TIA1: variants seen among roughly 807,000 people sequenced by gnomAD.
TIA1 encodes cytotoxic granule associated RNA binding protein TIA1.
TIA1 carries 23 observed loss-of-function variants against 65.9 expected under a neutral mutation model. That is an observed-to-expected ratio of 0.35 (90% CI 0.25 to 0.49). The LOEUF is 0.49. Ranked by LOEUF, TIA1 falls within the 20% of genes least tolerant of loss-of-function variation. TIA1 has a pLI of 0.98. For missense variants in TIA1, 371 were observed against 477.9 expected, an observed-to-expected ratio of 0.78 and a Z score of 2.09; for synonymous variants, 147 against 149.4, an observed-to-expected ratio of 0.98 and a Z score of 0.12.
At chr2:70,215,635 G>A (rs955797238) in intron 10 of TIA1, 141 bp from the exon 11 acceptor site, 1 of 768,526 alleles carries the variant, frequency 1.3e-6, no homozygotes, top group African/African-American at 1.8e-5. Context: ...TTTTTTCAAA[G>A]ATCTTGTAGT....
chr2:70,224,687 A>G lies in TIA1; in HGVS notation c.399-58T>C. On this transcript the variant is annotated intron_variant, in intron 6 of 12. Transcript: ENST00000433529. ...GCAAACTATCCTCTGGATATCAAATAAGAATTTCACACACAACTCATTCTC... is the reference window on the plus strand; with the variant it reads ...GCAAACTATCCTCTGGATATCAAATGAGAATTTCACACACAACTCATTCTC... The G allele has an allele frequency of 1.9e-6, 3 of 1,586,804 alleles. No individual in the cohort carries two copies. The South Asian group carries it at 3.4e-5, about 18-fold the overall frequency.
intron 2 of TIA1, among the ~76,000 whole-genome samples, 193 bp downstream of exon 2, chr2:70,235,886 C>T (rs1376423925): frequency 1.3e-5 from 2 of 152,120 alleles, no homozygotes; most frequent in Admixed American, 1.3e-4. Context: ...GCTGTCAAAA[C>T]AGGTTCATTA....
chr2:70,243,567 C>T (rs1692863889), intron 1 of TIA1, among the ~76,000 whole-genome samples: 1 of 152,288 alleles, frequency 6.6e-6, no homozygotes, highest in Middle Eastern at 3.4e-3. Context: ...ATGGCTGAAA[C>T]TGCCTTACTA....
chr2:70,245,301 A>C (rs1004479770), intron 1 of TIA1, among the ~76,000 whole-genome samples: 21 of 152,164 alleles, frequency 1.4e-4, no homozygotes, highest in African/African-American at 4.3e-4. Flanking sequence ...GCAGGCTTTT[A>C]AAGATGGTCT....
chr2:70,248,786 C>T (rs1695681928), upstream of TIA1: 2 of 384,838 alleles, frequency 5.2e-6, no homozygotes, highest in Non-Finnish European at 9.4e-6. Context: ...ACGCCTCAGA[C>T]TGCGCAGGCG....
chr2:70,217,089 TG>T, intron 7 of TIA1, 95 bp from the exon 8 acceptor site: 1 of 1,290,264 alleles, frequency 7.8e-7, no homozygotes, highest in Non-Finnish European at 1.0e-6. Context: ...TTTTCACAAA[TG>T]TTTAAGTGAA....
rs561475640 is a variant in TIA1, at chr2:70,228,809, C to T, written c.310+250G>A. ...CTCAAGAAAGGAGGGTATTTTGCCC[C>T]TTAGTTGGTGAAAGTAGTTCTAAGG... On this transcript the variant is annotated intron_variant, in intron 5 of 12. Transcript: ENST00000433529. The T allele has an allele frequency of 2.7e-5, 37 of 1,382,472 alleles. No homozygotes were observed. The African/African-American group carries it at 4.8e-4, about 18-fold the overall frequency. 85.6% of individuals were successfully genotyped at this position (1,382,472 alleles called of 1,614,324 possible).
At chr2:70,228,115 A>C (rs998604677) in intron 5 of TIA1, among the ~76,000 whole-genome samples, 1 of 152,172 alleles carries the variant, frequency 6.6e-6, no homozygotes, top group Non-Finnish European at 1.5e-5. Context: ...CTAATAACAT[A>C]CAAGTTTCAG....
intron 2 of TIA1, among the ~76,000 whole-genome samples, chr2:70,234,964 GAGAAA>G (rs1351577828): frequency 2.0e-5 from 3 of 152,162 alleles, no homozygotes; most frequent in African/African-American, 7.2e-5. Flanking sequence ...GTCTTTTCTG[GAGAAA>G]AGAAAACTGA....
At chr2:70,234,354 T>C (rs558139627) in intron 2 of TIA1, among the ~76,000 whole-genome samples, 1 of 152,338 alleles carries the variant, frequency 6.6e-6, no homozygotes, top group South Asian at 2.1e-4. Context: ...AAATTTCTCT[T>C]CATCTTTCCC....
chr2:70,218,564 G>A (rs1679725411), intron 7 of TIA1, among the ~76,000 whole-genome samples: 1 of 152,124 alleles, frequency 6.6e-6, no homozygotes, highest in African/African-American at 2.4e-5. Flanking sequence ...CAGCCACCAA[G>A]CCCGGCTAAT....
At chr2:70,231,000 T>C (rs1686020606) in intron 2 of TIA1, 146 bp from the exon 3 acceptor site, 1 of 583,300 alleles carries the variant, frequency 1.7e-6, no homozygotes, top group Non-Finnish European at 3.0e-6. Context: ...ACAAGTAAAT[T>C]TTAGATTTAA....
In TIA1 at chr2:70,212,495, T is replaced by C; in HGVS notation, c.*224A>G. On this transcript the variant is annotated 3_prime_UTR_variant, in exon 13 of 13. Transcript: ENST00000433529. The stretch of plus-strand genomic sequence containing the variant: ...TGAAACAAGGATCTGAGAAACTTTA[T>C]CAAAAAAGGTAATGAAGGCAAAAAT... The C allele has an allele frequency of 5.2e-6, 2 of 383,144 alleles. No individual in the cohort carries two copies. The highest frequency in any genetic ancestry group is 3.5e-5 in the South Asian group (1 of 28,636). 23.7% of individuals were successfully genotyped at this position (383,144 alleles called of 1,614,324 possible).
chr2:70,229,414 TG>T (rs1255749899), intron 3 of TIA1, 96 bp from the exon 4 acceptor site: 49 of 1,043,056 alleles, frequency 4.7e-5, no homozygotes, highest in Non-Finnish European at 6.2e-5. Context: ...CTGTTTAAGA[TG>T]AAACACTGAA....
In TIA1 at chr2:70,230,746, G is replaced by A. The variant is rs1303793556; in HGVS notation, c.222+10C>T. 4.5e-6 allele frequency: 7 copies of A among 1,570,584 alleles called. No homozygotes were observed. Among genetic ancestry groups the A allele is most frequent in the Non-Finnish European group, 6.0e-6 (7 of 1,161,908 alleles). ...AGTGCAAGTCACCTTCTTTAATTAC[G>A]ACAGCTTACCTTACCCATTATCTTC... On this transcript the variant is annotated intron_variant, in intron 3 of 12. Transcript: ENST00000433529.
intron 7 of TIA1, among the ~76,000 whole-genome samples, chr2:70,218,548 A>G (rs765540441): frequency 2.0e-5 from 3 of 152,050 alleles, no homozygotes; most frequent in Non-Finnish European, 2.9e-5. Flanking sequence ...TCTCCTGTAC[A>G]GGTGCCAGCC....
At chr2:70,216,094 A>G in intron 10 of TIA1, 114 bp downstream of exon 10, 1 of 1,005,626 alleles carries the variant, frequency 9.9e-7, no homozygotes, top group Non-Finnish European at 1.4e-6. Flanking sequence ...TTTTAAGAAA[A>G]CGAGGTAAAT....
At chr2:70,221,479 AAG>A (rs968968823) in intron 7 of TIA1, among the ~76,000 whole-genome samples, 5 of 152,172 alleles carry the variant, frequency 3.3e-5, no homozygotes, top group East Asian at 1.9e-4. Context: ...CCAAAAAAAA[AAG>A]AGAGATCCTA....
chr2:70,235,307 T>C (rs1176677646), intron 2 of TIA1, among the ~76,000 whole-genome samples: 1 of 151,810 alleles, frequency 6.6e-6, no homozygotes, highest in Non-Finnish European at 1.5e-5. Flanking sequence ...CCCAGCTACT[T>C]GGGAGGCTGA....
Sources: allele counts gnomAD v4.1 joint callset (sites outside exome capture counted in the v4.1 genomes callset), GRCh38; gene constraint gnomAD v4.1.1; transcripts MANE v1.5; gene names NCBI Gene and HGNC (gene_info 2026-07-23, HGNC 2026-07-21).